The following ARHGAP15 variants were observed in gnomAD, a reference collection of about 807,000 sequenced individuals.
ARHGAP15 encodes the protein Rho GTPase activating protein 15.
ARHGAP15 carries 51 observed loss-of-function variants against 63.7 expected under a neutral mutation model. That is an observed-to-expected ratio of 0.80 (90% CI 0.64 to 1.01). The LOEUF (loss-of-function observed/expected upper bound fraction) is 1.01, where lower values mean the gene tolerates loss of function less well. Among genes scored for constraint, ARHGAP15 ranks in the 50% least tolerant of loss-of-function variants. The pLI is 0.00. For synonymous variants in ARHGAP15, 191 were observed against 193.8 expected (o/e 0.99, Z 0.12); for missense variants, 560 against 564.6 (o/e 0.99, Z 0.08).
At chr2:143,610,382 G>A (rs1698205108) in intron 11 of ARHGAP15, among the ~76,000 whole-genome samples, 1 of 152,168 alleles carries the variant, frequency 6.6e-6, no homozygotes, top group South Asian at 2.1e-4. Flanking sequence ...TCTTAAGTCA[G>A]TTTAAACTTT....
At chr2:143,270,880 A>G (rs1222240026) in intron 6 of ARHGAP15, among the ~76,000 whole-genome samples, 2 of 152,232 alleles carry the variant, frequency 1.3e-5, no homozygotes, top group Non-Finnish European at 2.9e-5. Flanking sequence ...TTAGAAAAAC[A>G]TATTTATCAG....
rs34314047 is a variant in ARHGAP15, at chr2:143,435,596, T to TG, written c.475-4dup. Reference sequence around the variant, plus strand: ...TATTTCTTTTTCTTTTTTTTTTTTTTGCAGATCACAACAGTATCAGGAAAT... The same window carrying TG: ...TATTTCTTTTTCTTTTTTTTTTTTTTGGCAGATCACAACAGTATCAGGAAAT... On this transcript the variant is annotated splice_region_variant and splice_polypyrimidine_tract_variant and intron_variant, in intron 6 of 13. Transcript: ENST00000295095. 8.5e-6 allele frequency: 13 copies of TG among 1,536,462 alleles called. No individual in the cohort carries two copies. In the African/African-American group the frequency reaches 1.1e-4, roughly 13 times the overall value.
rs1490012879 is a variant in ARHGAP15 at position 143,351,133 on chromosome 2, G to A, written c.475-84468G>A. 3 of 152,120 alleles carry A rather than the reference G, an allele frequency of 2.0e-5. No homozygotes were observed. The East Asian group carries it at 5.8e-4, about 29-fold the overall frequency. The allele number at this position is 152,120 out of a possible 1,614,324, so 9.4% of individuals were successfully genotyped here. On this transcript the variant is annotated intron_variant, in intron 6 of 13. Transcript: ENST00000295095. ...AATGGATGCCGTATGCACAAAGTAT[G>A]CTTCTGACAATAACTGCAAAAAGTT...
rs754713184 is a variant in ARHGAP15, at chr2:143,597,264, TAAAG to T, written c.1004-26865_1004-26862del. Among the ~76,000 whole-genome samples the T allele has an allele frequency of 5.9e-4, 90 of 152,114 alleles. 1 individual carries two copies. Among genetic ancestry groups the T allele is most frequent in the African/African-American group, 1.7e-3 (71 of 41,550 alleles). On this transcript the variant is annotated intron_variant, in intron 11 of 13. Coordinates refer to ENST00000295095, the MANE Select transcript of ARHGAP15 (RefSeq NM_018460.4). ...TTTGCTTAAATGCAAAATATTATAA[TAAAG>T]AAATAAAAATATAAAATTTGTATTT... is the stretch of plus-strand genomic sequence containing the variant.
intron 6 of ARHGAP15, among the ~76,000 whole-genome samples, chr2:143,288,844 T>A (rs1343086934): frequency 6.6e-6 from 1 of 152,122 alleles, no homozygotes; most frequent in East Asian, 1.9e-4. Flanking sequence ...ACCCAACTGC[T>A]GCTACAATCA....
intron 11 of ARHGAP15, among the ~76,000 whole-genome samples, chr2:143,586,193 G>A (rs1375303686): frequency 6.6e-6 from 1 of 152,000 alleles, no homozygotes; most frequent in Non-Finnish European, 1.5e-5. Context: ...AACACCATAT[G>A]GCTATATTTT....
chr2:143,508,867 G>A (rs760295678), intron 9 of ARHGAP15, among the ~76,000 whole-genome samples: 2 of 152,152 alleles, frequency 1.3e-5, no homozygotes, highest in African/African-American at 4.8e-5. Flanking sequence ...AGCTGAAAAC[G>A]AGGGGCCAAA....
intron 13 of ARHGAP15, among the ~76,000 whole-genome samples, chr2:143,740,296 T>C (rs916405261): frequency 1.3e-5 from 2 of 152,226 alleles, no homozygotes; most frequent in South Asian, 4.1e-4. Context: ...TATATGTATA[T>C]GTCCTGACCG....
intron 2 of ARHGAP15, among the ~76,000 whole-genome samples, chr2:143,163,984 CG>C (rs1264829649): frequency 2.0e-5 from 3 of 152,024 alleles, no homozygotes; most frequent in Admixed American, 2.0e-4. Flanking sequence ...CATCCCTAAA[CG>C]GTTGATTAGC....
At chr2:143,383,590 A>G (rs1472625950) in intron 6 of ARHGAP15, among the ~76,000 whole-genome samples, 4 of 152,232 alleles carry the variant, frequency 2.6e-5, no homozygotes, top group Non-Finnish European at 4.4e-5. Context: ...TCTCGATATT[A>G]AGCCAGATCC....
At chr2:143,509,344 A>AAAT (rs1228943640) in intron 9 of ARHGAP15, among the ~76,000 whole-genome samples, 1 of 152,024 alleles carries the variant, frequency 6.6e-6, no homozygotes, top group African/African-American at 2.4e-5. Context: ...AAAAAAAAAA[A>AAAT]AATAAGTAAA....
intron 8 of ARHGAP15, among the ~76,000 whole-genome samples, chr2:143,447,401 C>T (rs1690191542): frequency 6.6e-6 from 1 of 152,080 alleles, no homozygotes; most frequent in Non-Finnish European, 1.5e-5. Flanking sequence ...GATATTGAGC[C>T]ACTTATAAGG....
Position 143,361,783 on chromosome 2 carries a change from C to A in ARHGAP15, c.475-73818C>A, listed in dbSNP as rs1452387861. 4.6e-5 allele frequency among the ~76,000 whole-genome samples: 7 copies of A among 152,180 alleles called. 1 individual carries two copies. Among genetic ancestry groups the A allele is most frequent in the Non-Finnish European group, 1.0e-4 (7 of 68,040 alleles). On this transcript the variant is annotated intron_variant, in intron 6 of 13. Coordinates refer to ENST00000295095, the MANE Select transcript of ARHGAP15 (RefSeq NM_018460.4). ...CATAAACAATATTCACATCAGACTT[C>A]TTGACCCACTCTAAGCCATTCTCCT...
chr2:143,738,529 CTT>C (rs1476877046), intron 13 of ARHGAP15, among the ~76,000 whole-genome samples: 2 of 152,212 alleles, frequency 1.3e-5, no homozygotes, highest in African/African-American at 4.8e-5. Context: ...CCGGGCCTCT[CTT>C]CGAACATCAT....
chr2:143,733,855 TAA>T (rs1685642514), intron 13 of ARHGAP15, among the ~76,000 whole-genome samples: 1 of 152,194 alleles, frequency 6.6e-6, no homozygotes, highest in Non-Finnish European at 1.5e-5. Flanking sequence ...CTAGAGTCTT[TAA>T]AATCTTTAAG....
chr2:143,663,596 T>C (rs1260482680), intron 12 of ARHGAP15, among the ~76,000 whole-genome samples: 5 of 151,400 alleles, frequency 3.3e-5, no homozygotes, highest in African/African-American at 4.9e-5. Context: ...GGACTAAATT[T>C]TCCAATTAAA....
intron 2 of ARHGAP15, among the ~76,000 whole-genome samples, chr2:143,190,543 C>A (rs928799876): frequency 1.3e-5 from 2 of 152,156 alleles, no homozygotes; most frequent in Non-Finnish European, 2.9e-5. Flanking sequence ...CACCTCTTCC[C>A]TCTGCAATGC....
chr2:143,201,635 G>C (rs1346145176), intron 2 of ARHGAP15, among the ~76,000 whole-genome samples: 1 of 152,088 alleles, frequency 6.6e-6, no homozygotes, highest in East Asian at 1.9e-4. Flanking sequence ...GTTGATGCTG[G>C]CTGTCTGCTG....
chr2:143,609,218 A>C (rs1698160110), intron 11 of ARHGAP15, among the ~76,000 whole-genome samples: 1 of 152,210 alleles, frequency 6.6e-6, no homozygotes, highest in African/African-American at 2.4e-5. Context: ...GGAGATTAGT[A>C]CATAATAAAA....
Sources: allele counts gnomAD v4.1 joint callset (sites outside exome capture counted in the v4.1 genomes callset), GRCh38; gene constraint gnomAD v4.1.1; transcripts MANE v1.5; gene names NCBI Gene and HGNC (gene_info 2026-07-23, HGNC 2026-07-21).